Variants in HYDIN observed in about 807,000 individuals in gnomAD.
The protein encoded by HYDIN is axonemal central pair apparatus protein HYDIN.
HYDIN carries 132 observed loss-of-function variants against 403.9 expected under a neutral mutation model. That is an observed-to-expected ratio of 0.33 (90% CI 0.28 to 0.38). The LOEUF (loss-of-function observed/expected upper bound fraction) is 0.38, where lower values mean the gene tolerates loss of function less well. HYDIN is among the 10% of genes least tolerant of loss of function. The pLI is 1.00. For missense variants in HYDIN, 2,827 were observed against 5,009.5 expected (o/e 0.56, Z 13.15); for synonymous variants, 1,202 against 1,891.7 (o/e 0.64, Z 9.46).
At chr16:70,921,465 G>A (rs1389873273) in intron 45 of HYDIN, among the ~76,000 whole-genome samples, 1 of 152,184 alleles carries the variant, frequency 6.6e-6, no homozygotes, top group Non-Finnish European at 1.5e-5. Flanking sequence ...TGGAAAAGGT[G>A]CAGAGTGACT....
chr16:71,007,318 G>A (rs935446376), intron 23 of HYDIN, among the ~76,000 whole-genome samples: 2 of 152,110 alleles, frequency 1.3e-5, no homozygotes, highest in African/African-American at 4.8e-5. Context: ...TCCATGCACA[G>A]CAGTAAGTCT....
At chr16:71,058,725 G>A (rs1291309557) in intron 18 of HYDIN, among the ~76,000 whole-genome samples, 1 of 151,824 alleles carries the variant, frequency 6.6e-6, no homozygotes, top group African/African-American at 2.4e-5. Context: ...AGACTAGCAG[G>A]TCTAAATGTC....
intron 18 of HYDIN, among the ~76,000 whole-genome samples, chr16:71,051,225 C>A (rs2081624550): frequency 6.6e-6 from 1 of 152,118 alleles, no homozygotes; most frequent in Non-Finnish European, 1.5e-5. Flanking sequence ...ATCATATAAT[C>A]ATCTGGATAG....
intron 75 of HYDIN, among the ~76,000 whole-genome samples, chr16:70,845,649 C>A (rs561160213): frequency 7.6e-6 from 1 of 131,926 alleles, no homozygotes; most frequent in Non-Finnish European, 1.5e-5. Context: ...TGGTAGAATT[C>A]GGCTGTGAAT....
chr16:70,980,408 G>A (rs950367324), intron 29 of HYDIN, among the ~76,000 whole-genome samples: 7 of 151,770 alleles, frequency 4.6e-5, no homozygotes, highest in Non-Finnish European at 8.8e-5. Flanking sequence ...TCAAGAAGCT[G>A]AAGCGGGAGG....
chr16:71,137,070 A>C (rs538176771), intron 8 of HYDIN, 81 bp downstream of exon 8: 1 of 985,972 alleles, frequency 1.0e-6, no homozygotes, highest in Non-Finnish European at 1.6e-6. Context: ...TGTAGTACAA[A>C]ATTCACTAAT....
chr16:71,196,575 G>C (rs1440777201), intron 1 of HYDIN, among the ~76,000 whole-genome samples: 1 of 152,156 alleles, frequency 6.6e-6, no homozygotes, highest in Non-Finnish European at 1.5e-5. Flanking sequence ...AGGGGAGTTT[G>C]AACCAGGGTA....
chr16:70,843,096 G>C (rs1436466711), intron 75 of HYDIN, among the ~76,000 whole-genome samples: 1 of 149,632 alleles, frequency 6.7e-6, no homozygotes. Context: ...CATTGTGCAG[G>C]TTAGTTACAT....
chr16:70,920,883 C>T lies in HYDIN; in HGVS notation c.7493G>A (p.Arg2498His), dbSNP rs746731066. Residue 2498 changes from arginine (R) to histidine (H), a missense_variant, in exon 46 of 86, where the codon CGC becomes CAC. Coordinates refer to ENST00000393567, the MANE Select transcript of HYDIN (RefSeq NM_001270974.2). The stretch of plus-strand genomic sequence containing the variant: ...CCTGCGCCCACCCAAGGGGACCTGG[C>T]GCTGGTCGTCGGGCTCATGGGGCGC... The part of the protein sequence containing the change: ...EEAPHEPDDQ[R>H]QVPLGGRRGR... 2.0e-5 allele frequency: 32 copies of T among 1,609,420 alleles called. No individual in the cohort carries two copies. Among genetic ancestry groups the T allele is most frequent in the Middle Eastern group, 1.6e-4 (1 of 6,074 alleles).
chr16:71,225,399 T>C (rs2040988381), intron 1 of HYDIN, among the ~76,000 whole-genome samples: 2 of 152,194 alleles, frequency 1.3e-5, no homozygotes, highest in African/African-American at 2.4e-5. Flanking sequence ...ACTGCAGTCA[T>C]ACCTAGGTAG....
chr16:71,069,601 T>A, intron 13 of HYDIN, 99 bp from the exon 14 acceptor site: 3 of 657,668 alleles, frequency 4.6e-6, no homozygotes, highest in Non-Finnish European at 7.8e-6. Context: ...GAATGAACTG[T>A]CTGTGCTATT....
chr16:71,180,288 A>AAAATACAAATTC (rs1367392605), intron 3 of HYDIN, among the ~76,000 whole-genome samples: 1 of 152,072 alleles, frequency 6.6e-6, no homozygotes, highest in Non-Finnish European at 1.5e-5. Context: ...CTAGAAAAAT[A>AAAATACAAATTC]CAATAAAAAT....
intron 45 of HYDIN, among the ~76,000 whole-genome samples, chr16:70,926,053 C>A (rs986124583): frequency 2.7e-5 from 4 of 150,838 alleles, no homozygotes; most frequent in African/African-American, 4.9e-5. Context: ...GTCGGTGTGG[C>A]GATTCCTCAG....
rs1324577748 is a variant in HYDIN, at chr16:70,977,641, T to C, written c.4638+1273A>G. 3.4e-5 allele frequency among the ~76,000 whole-genome samples: 4 copies of C among 116,842 alleles called. 1 individual carries two copies. The highest frequency in any genetic ancestry group is 6.8e-5 in the Non-Finnish European group (4 of 59,138). The allele number at this position is 116,842 out of a possible 152,430, so 76.7% of individuals were successfully genotyped here. Reference sequence around the variant, plus strand: ...ACAATATTCGCATGCACATTTGCATTTGGAAAGAACAGCAGCGGGGTTGGC... The same window carrying C: ...ACAATATTCGCATGCACATTTGCATCTGGAAAGAACAGCAGCGGGGTTGGC... On this transcript the variant is annotated intron_variant, in intron 30 of 85. Transcript: ENST00000393567.
At position 71,199,656 on chromosome 16, in the gene HYDIN, G is replaced by A. The variant is rs532139929; in HGVS notation, c.-23-12738C>T. 2.6e-5 allele frequency among the ~76,000 whole-genome samples: 4 copies of A among 152,282 alleles called. No homozygotes were observed. In the South Asian group the frequency reaches 8.3e-4, roughly 32 times the overall value. On this transcript the variant is annotated intron_variant, in intron 1 of 85. Transcript: ENST00000393567. ...CCAGCCTTTCTAGTCACCTTCAGGA[G>A]AGGGGTGGGCCTGAATTACCTAGCC...
rs2079579477 is a variant in HYDIN at position 70,997,832 on chromosome 16, G to GTTTAC, written c.3645-5623_3645-5622insGTAAA. ...TCAAGAGTACTGTAGTTAACTCCCT[G>GTTTAC]TAGTAAAAAGGGTTATAAAGATCTT... On this transcript the variant is annotated intron_variant, in intron 23 of 85. Coordinates refer to ENST00000393567, the MANE Select transcript of HYDIN (RefSeq NM_001270974.2). Among the ~76,000 whole-genome samples the GTTTAC allele has an allele frequency of 1.1e-4, 16 of 152,032 alleles. No individual in the cohort carries two copies. The South Asian group carries it at 3.1e-3, about 30-fold the overall frequency.
At chr16:71,207,572 A>G (rs1456362607) in intron 1 of HYDIN, among the ~76,000 whole-genome samples, 1 of 152,238 alleles carries the variant, frequency 6.6e-6, no homozygotes, top group African/African-American at 2.4e-5. Flanking sequence ...ACACATATCA[A>G]TACTAACCTT....
At chr16:71,006,655 TGATTCAGG>T (rs1361938877) in intron 23 of HYDIN, among the ~76,000 whole-genome samples, 1 of 151,740 alleles carries the variant, frequency 6.6e-6, no homozygotes, top group Non-Finnish European at 1.5e-5. Flanking sequence ...TCTCACATGT[TGATTCAGG>T]GACTCAGGAT....
At chr16:70,825,137 T>C (rs783901) in intron 83 of HYDIN, among the ~76,000 whole-genome samples, 2 of 152,216 alleles carry the variant, frequency 1.3e-5, no homozygotes, top group South Asian at 2.1e-4. Flanking sequence ...GAGTTCTAGA[T>C]TGACAATCAT....
Sources: allele counts gnomAD v4.1 joint callset (sites outside exome capture counted in the v4.1 genomes callset), GRCh38; gene constraint gnomAD v4.1.1; transcripts MANE v1.5; gene names NCBI Gene and HGNC (gene_info 2026-07-23, HGNC 2026-07-21).